Variants in NEDD4L observed in about 807,000 individuals in gnomAD.
NEDD4L encodes the protein NEDD4 like E3 ubiquitin protein ligase, also known as E3 ubiquitin-protein ligase NEDD4-like.
In NEDD4L, 54 loss-of-function variants were observed where a neutral mutation model predicts 148.9. That is an observed-to-expected ratio of 0.36 (90% CI 0.29 to 0.45). NEDD4L has a LOEUF of 0.45. Ranked by LOEUF, NEDD4L falls within the 20% of genes least tolerant of loss-of-function variation. NEDD4L has a pLI of 1.00. For missense variants in NEDD4L, 856 were observed against 1,233.8 expected (o/e 0.69, Z 4.59); for synonymous variants, 433 against 440.7 (o/e 0.98, Z 0.22).
At chr18:58,325,300 CT>C in intron 9 of NEDD4L, 138 bp downstream of exon 9, 1 of 1,012,832 alleles carries the variant, frequency 9.9e-7, no homozygotes, top group Non-Finnish European at 1.4e-6. Flanking sequence ...CGAGATTCCT[CT>C]CCATTTACGT....
chr18:58,075,060 A>C (rs1174052652), intron 1 of NEDD4L, among the ~76,000 whole-genome samples: 4 of 152,244 alleles, frequency 2.6e-5, no homozygotes, highest in Non-Finnish European at 5.9e-5. Context: ...GTTTGGGTTC[A>C]TCTTACGCAC....
intron 5 of NEDD4L, among the ~76,000 whole-genome samples, chr18:58,264,733 G>A (rs908911191): frequency 9.9e-5 from 15 of 152,004 alleles, no homozygotes; most frequent in Middle Eastern, 3.4e-3. Context: ...ATTAACTGTC[G>A]TGCTGAGGAC....
intron 1 of NEDD4L, among the ~76,000 whole-genome samples, chr18:58,162,426 T>G (rs1405226749): frequency 6.6e-6 from 1 of 152,036 alleles, no homozygotes; most frequent in Non-Finnish European, 1.5e-5. Flanking sequence ...CCTTCTTCCT[T>G]CAGGCTTCAG....
chr18:58,344,780 C>T (rs2042840282), intron 16 of NEDD4L, among the ~76,000 whole-genome samples: 2 of 152,108 alleles, frequency 1.3e-5, no homozygotes, highest in Admixed American at 6.5e-5. Context: ...CCAGTGTTCT[C>T]ATTTACTATA....
intron 18 of NEDD4L, among the ~76,000 whole-genome samples, chr18:58,352,022 G>A (rs1418873456): frequency 6.6e-6 from 1 of 152,178 alleles, no homozygotes; most frequent in African/African-American, 2.4e-5. Flanking sequence ...TCACTTTCAG[G>A]CCCTGGGGGT....
Position 58,252,045 on chromosome 18 carries a change from A to G in NEDD4L, c.288A>G (p.Glu96=). ...GACTCCTATTTGAAGTATTTGACGA[A>G]AATAGACTGGTAAGTGGATGCCTGT... The part of the protein sequence containing the change: ...NHRLLFEVFD[E]NRLTRDDFLG... Residue 96 remains glutamate, a synonymous_variant, in exon 5 of 31, where the codon GAA becomes GAG. Coordinates refer to ENST00000400345, the MANE Select transcript of NEDD4L (RefSeq NM_001144967.3). 1 of 1,593,336 alleles carries G rather than the reference A, an allele frequency of 6.3e-7. No individual in the cohort carries two copies. The highest frequency in any genetic ancestry group is 8.6e-7 in the Non-Finnish European group (1 of 1,161,146).
intron 18 of NEDD4L, among the ~76,000 whole-genome samples, chr18:58,354,666 G>A (rs1273549828): frequency 6.6e-6 from 1 of 152,210 alleles, no homozygotes; most frequent in African/African-American, 2.4e-5. Flanking sequence ...TGGTAGAGAG[G>A]GGATTGCAAA....
rs146309089 is a variant in NEDD4L at position 58,385,671 on chromosome 18, G to A, written c.2487+85G>A. 1.2e-3 allele frequency: 1,346 copies of A among 1,129,400 alleles called. 7 individuals are homozygous for A. The African/African-American group carries it at 0.017, about 14-fold the overall frequency. 70.0% of individuals were successfully genotyped at this position (1,129,400 alleles called of 1,614,324 possible). ...TCGCGCTTCTCCTTTAGCTAGTGTG[G>A]TGGAGCTGATCAGAGACAGAGGCGA... is the stretch of plus-strand genomic sequence containing the variant. On this transcript the variant is annotated intron_variant, in intron 26 of 30. Coordinates refer to ENST00000400345, the MANE Select transcript of NEDD4L (RefSeq NM_001144967.3).
At chr18:58,055,058 T>C (rs552549853) in intron 1 of NEDD4L, among the ~76,000 whole-genome samples, 1 of 152,274 alleles carries the variant, frequency 6.6e-6, no homozygotes, top group Admixed American at 6.5e-5. Context: ...GAAGAATATT[T>C]AATACCACGA....
At position 58,401,280 on chromosome 18, in the gene NEDD4L, A is replaced by AT. The variant is rs922635863; in HGVS notation, c.*5018dup. The AT allele has an allele frequency of 2.0e-5, 3 of 152,194 alleles. No homozygotes were observed. The highest frequency in any genetic ancestry group is 4.1e-4 in the South Asian group (2 of 4,824). The allele number at this position is 152,194 out of a possible 1,614,324, so 9.4% of individuals were successfully genotyped here. A position where few individuals can be genotyped will look rare whatever the true frequency, so the allele number is the denominator to read the frequency against. ...AGTGGTAAAAACCAAACTACCTTGA[A>AT]TTTTTTTAAGGCAACTTATGAATAA... On this transcript the variant is annotated 3_prime_UTR_variant, in exon 31 of 31. Coordinates refer to ENST00000400345, the MANE Select transcript of NEDD4L (RefSeq NM_001144967.3).
chr18:58,219,508 A>G (rs2043504081), intron 2 of NEDD4L, among the ~76,000 whole-genome samples: 1 of 152,184 alleles, frequency 6.6e-6, no homozygotes, highest in Non-Finnish European at 1.5e-5. Context: ...AACTACCACA[A>G]ATTTGTTTTC....
intron 13 of NEDD4L, among the ~76,000 whole-genome samples, chr18:58,340,295 G>C (rs899198933): frequency 1.3e-5 from 2 of 152,164 alleles, no homozygotes; most frequent in Non-Finnish European, 2.9e-5. Flanking sequence ...AATGTGGACT[G>C]TCTAAATACA....
In NEDD4L at chr18:58,350,983, G is replaced by A. The variant is rs765192355; in HGVS notation, c.1654-8G>A. ...ATTTTCTCTCTCCCTTCCTTCCCCGGATACTAGCCTGGCTGGGAAGAAAGA... is the reference window on the plus strand; with the variant it reads ...ATTTTCTCTCTCCCTTCCTTCCCCGAATACTAGCCTGGCTGGGAAGAAAGA... On this transcript the variant is annotated splice_polypyrimidine_tract_variant and splice_region_variant and intron_variant, in intron 17 of 30. Transcript: ENST00000400345. 5 of 1,585,064 alleles carry A rather than the reference G, an allele frequency of 3.2e-6. No homozygotes were observed. Among genetic ancestry groups the A allele is most frequent in the Non-Finnish European group, 4.3e-6 (5 of 1,164,028 alleles).
chr18:58,058,411 G>A (rs1207312436), intron 1 of NEDD4L, among the ~76,000 whole-genome samples: 2 of 152,170 alleles, frequency 1.3e-5, no homozygotes, highest in African/African-American at 4.8e-5. Flanking sequence ...CATCACCCCT[G>A]TCTAGCCATG....
At chr18:58,365,879 T>C (rs760572050) in intron 20 of NEDD4L, 120 bp from the exon 21 acceptor site, 21 of 659,966 alleles carry the variant, frequency 3.2e-5, no homozygotes, top group Non-Finnish European at 4.6e-5. Context: ...GTTGGAACCA[T>C]TTGTCACTGC....
chr18:58,175,011 TG>T (rs1395125466), intron 2 of NEDD4L, among the ~76,000 whole-genome samples: 1 of 152,250 alleles, frequency 6.6e-6, no homozygotes, highest in Non-Finnish European at 1.5e-5. Flanking sequence ...TTTGCTCAGC[TG>T]TAAGCCCTTC....
At chr18:58,162,830 G>A (rs7242397) in intron 1 of NEDD4L, among the ~76,000 whole-genome samples, 73,744 of 151,738 alleles carry the variant, frequency 0.49, 18,174 homozygotes, top group Admixed American at 0.56. Context: ...TTGGGAGACT[G>A]AGGCTGGTGT....
chr18:58,357,050 A>G (rs2145819421), intron 18 of NEDD4L, 144 bp from the exon 19 acceptor site: 3 of 704,264 alleles, frequency 4.3e-6, no homozygotes, highest in Non-Finnish European at 7.1e-6. Flanking sequence ...CTAACTCTGA[A>G]ATACTAATTT....
intron 1 of NEDD4L, among the ~76,000 whole-genome samples, chr18:58,140,237 A>G (rs2033345513): frequency 6.6e-6 from 1 of 152,198 alleles, no homozygotes; most frequent in Non-Finnish European, 1.5e-5. Flanking sequence ...TACCTGGGAA[A>G]TTCTGGTACA....
Sources: gnomAD v4.1 joint callset for allele counts (sites outside exome capture counted in the v4.1 genomes callset) on GRCh38, gnomAD v4.1.1 for gene constraint, MANE v1.5 for transcripts, NCBI Gene and HGNC (gene_info 2026-07-23, HGNC 2026-07-21) for gene names.